The following TBXAS1 variants were observed in gnomAD, a reference collection of about 807,000 sequenced individuals.
TBXAS1 encodes the protein thromboxane A synthase 1.
Under a neutral mutation model 60.7 loss-of-function variants are expected in TBXAS1, and 48 were observed. The observed-to-expected ratio is 0.79, with a 90% CI of 0.63 to 1.01. The LOEUF is 1.01. Ranked by LOEUF, TBXAS1 falls within the 50% of genes least tolerant of loss-of-function variation. The pLI is 0.00. For synonymous variants in TBXAS1, 287 were observed against 269.7 expected (o/e 1.06, Z -0.63); for missense variants, 685 against 686.3 (o/e 1.00, Z 0.02).
intron 1 of TBXAS1, among the ~76,000 whole-genome samples, chr7:139,833,317 C>T (rs1798830478): frequency 6.6e-6 from 1 of 151,956 alleles, no homozygotes; most frequent in Admixed American, 6.6e-5. Flanking sequence ...AAATGGACAC[C>T]AAAAGCGAGT....
At chr7:140,015,341 G>A (rs1231193741) in intron 10 of TBXAS1, among the ~76,000 whole-genome samples, 1 of 152,136 alleles carries the variant, frequency 6.6e-6, no homozygotes, top group East Asian at 1.9e-4. Context: ...AGGATAGGCT[G>A]TGGCCCAGGA....
At chr7:139,986,629 A>G (rs1277945004) in intron 9 of TBXAS1, among the ~76,000 whole-genome samples, 1 of 150,186 alleles carries the variant, frequency 6.7e-6, no homozygotes, top group Non-Finnish European at 1.5e-5. Context: ...TCCATTCCTA[A>G]GTTACTTCAC....
chr7:139,864,722 A>T (rs1176919009), intron 1 of TBXAS1, among the ~76,000 whole-genome samples: 1 of 152,268 alleles, frequency 6.6e-6, no homozygotes, highest in Non-Finnish European at 1.5e-5. Context: ...ACTGAGGAGC[A>T]TGATAGAAGT....
At chr7:139,992,670 AG>A (rs1403547829) in intron 9 of TBXAS1, among the ~76,000 whole-genome samples, 69 of 152,304 alleles carry the variant, frequency 4.5e-4, no homozygotes, top group Admixed American at 4.5e-3. Flanking sequence ...AAGCTCCCCA[AG>A]CCCTGGGGGC....
intron 4 of TBXAS1, among the ~76,000 whole-genome samples, chr7:139,817,499 A>T (rs978054589): frequency 6.6e-6 from 1 of 152,192 alleles, no homozygotes; most frequent in African/African-American, 2.4e-5. Flanking sequence ...CCAAACTGGT[A>T]TACTGGTAAA....
At chr7:139,888,148 C>T (rs1046272662) in intron 3 of TBXAS1, among the ~76,000 whole-genome samples, 2 of 152,178 alleles carry the variant, frequency 1.3e-5, no homozygotes, top group African/African-American at 2.4e-5. Flanking sequence ...TTGCACTGCA[C>T]GATAAATTCA....
intron 9 of TBXAS1, among the ~76,000 whole-genome samples, chr7:139,985,625 A>G (rs1055027469): frequency 5.3e-5 from 8 of 152,212 alleles, no homozygotes; most frequent in African/African-American, 1.9e-4. Flanking sequence ...AGTAATCTAG[A>G]GTTTGGTGAC....
intron 8 of TBXAS1, among the ~76,000 whole-genome samples, chr7:139,961,246 G>A (rs985353786): frequency 4.6e-5 from 7 of 152,186 alleles, no homozygotes; most frequent in East Asian, 3.8e-4. Context: ...TAGTCCCCTC[G>A]CCTTGCCCTC....
chr7:139,825,724 C>T (rs1336139876), upstream of TBXAS1, among the ~76,000 whole-genome samples: 8 of 152,168 alleles, frequency 5.3e-5, no homozygotes, highest in Non-Finnish European at 7.3e-5. Context: ...GACAGTGTAC[C>T]GGTCACTTTC....
chr7:139,798,836 G>C (rs1797638039), intron 4 of TBXAS1, among the ~76,000 whole-genome samples: 1 of 152,190 alleles, frequency 6.6e-6, no homozygotes. Context: ...TTCCGTGTGT[G>C]AAAGATTGAA....
chr7:139,915,566 G>A (rs564216087), intron 4 of TBXAS1, among the ~76,000 whole-genome samples: 118 of 152,328 alleles, frequency 7.7e-4, no homozygotes, highest in Admixed American at 1.8e-3. Context: ...ATTCAGGCTT[G>A]AGTTACGTTG....
At chr7:139,901,484 G>A (rs771167932) in intron 3 of TBXAS1, among the ~76,000 whole-genome samples, 12 of 151,196 alleles carry the variant, frequency 7.9e-5, no homozygotes, top group Non-Finnish European at 1.5e-4. Flanking sequence ...ATTACCAAAA[G>A]TTGCGTGTGC....
chr7:140,017,790 A>T lies in TBXAS1; in HGVS notation c.1484A>T (p.His495Leu), dbSNP rs1284835194. 3 of 1,613,894 alleles carry T rather than the reference A, an allele frequency of 1.9e-6. No individual in the cohort carries two copies. In the Admixed American group the frequency reaches 5.0e-5, roughly 27 times the overall value. Residue 495 changes from histidine (H) to leucine (L), a missense_variant, in exon 12 of 13, where the codon CAC becomes CTC. His to Leu is a moderately conservative substitution (Grantham distance 99). Transcript: ENST00000448866. ...GLLEVKLTLL[H>L]VLHKFRFQAC... ...CTTGAGGTCAAGTTGACACTGCTCC[A>T]CGTGCTGCACAAGTTCCGGTTCCAA...
rs928025222 is a variant in TBXAS1, at chr7:139,871,756, A to G, written c.90-479A>G. Among the ~76,000 whole-genome samples, 41 of 152,130 alleles carry G rather than the reference A, an allele frequency of 2.7e-4. 1 individual carries two copies. Among genetic ancestry groups the G allele is most frequent in the Middle Eastern group, 6.3e-3 (2 of 316 alleles). ...ATTCTCTGTAAGGCCAGGGAATGTG[A>G]TGAGGGACAAATTATGTGTGTGGCA... On this transcript the variant is annotated intron_variant, in intron 1 of 12. Transcript: ENST00000448866.
intron 4 of TBXAS1, among the ~76,000 whole-genome samples, chr7:139,919,453 G>A (rs931131977): frequency 6.6e-6 from 1 of 152,198 alleles, no homozygotes; most frequent in African/African-American, 2.4e-5. Context: ...TGGCCTCTCA[G>A]CCTTGTGTGG....
chr7:139,887,490 ACT>A (rs1359419930), intron 3 of TBXAS1, among the ~76,000 whole-genome samples: 1 of 151,468 alleles, frequency 6.6e-6, no homozygotes, highest in African/African-American at 2.4e-5. Flanking sequence ...AAATTTGACT[ACT>A]CTAAGTACCT....
chr7:139,965,577 G>GTCC (rs1810721692), intron 9 of TBXAS1, among the ~76,000 whole-genome samples: 1 of 152,052 alleles, frequency 6.6e-6, no homozygotes, highest in South Asian at 2.1e-4. Context: ...GATGCAGGTG[G>GTCC]TCCCTGGTTC....
chr7:139,791,383 T>C (rs879340627), intron 4 of TBXAS1, among the ~76,000 whole-genome samples: 4 of 152,074 alleles, frequency 2.6e-5, no homozygotes, highest in Non-Finnish European at 4.4e-5. Flanking sequence ...AAGGAGAGAA[T>C]GGAGGATACC....
intron 9 of TBXAS1, among the ~76,000 whole-genome samples, chr7:139,976,316 T>C (rs539238283): frequency 2.0e-5 from 3 of 152,220 alleles, no homozygotes; most frequent in East Asian, 3.9e-4. Context: ...TGGGAAATGG[T>C]TGGGAGCCGG....
Sources: gnomAD v4.1 joint callset for allele counts (sites outside exome capture counted in the v4.1 genomes callset) on GRCh38, gnomAD v4.1.1 for gene constraint, MANE v1.5 for transcripts, NCBI Gene and HGNC (gene_info 2026-07-23, HGNC 2026-07-21) for gene names.